Variants in CYSLTR1 observed in about 807,000 individuals in gnomAD.
CYSLTR1 encodes the protein G-protein coupled receptor HG55.
Under a neutral mutation model 2.1 loss-of-function variants are expected in CYSLTR1, and 1 was observed. That is an observed-to-expected ratio of 0.48 (90% CI 0.17 to 2.28). The LOEUF (loss-of-function observed/expected upper bound fraction) is 2.28. Among genes scored for constraint, CYSLTR1 ranks in the 30% most tolerant of loss-of-function variants. The probability of loss-of-function intolerance (pLI) is 0.26; values close to 1 mark genes in which losing one functional copy is unlikely to be tolerated. For synonymous variants in CYSLTR1, 110 were observed against 89.6 expected (o/e 1.23, Z -1.28); for missense variants, 299 against 250.1 (o/e 1.20, Z -1.32).
rs373621205 is a variant in CYSLTR1 at position 78,273,445 on chromosome X, T to C, written c.302A>G (p.Tyr101Cys). 1 of 1,209,757 alleles carries C rather than the reference T, an allele frequency of 8.3e-7. No individual in the cohort carries two copies. Among genetic ancestry groups the C allele is most frequent in the Admixed American group, 2.2e-5 (1 of 45,621 alleles). The change falls in exon 3 of 3, where the codon TAT becomes TGT. Residue 101 changes from tyrosine (Y) to cysteine (C), a missense_variant. Physicochemically the swap from Tyr to Cys is radical, Grantham distance 194 (BLOSUM62 -2). Coordinates refer to ENST00000373304, the MANE Select transcript of CYSLTR1 (RefSeq NM_006639.4). The part of the protein sequence containing the change: ...FGDFLCRLST[Y>C]ALYVNLYCSI... ...ACAATAGAGGTTGACATACAAAGCATAGGTGCTGAGGCGGCACAAGAAGTC... is the reference window on the plus strand; with the variant it reads ...ACAATAGAGGTTGACATACAAAGCACAGGTGCTGAGGCGGCACAAGAAGTC...
At chrX:78,318,873 C>A (rs957869385) in intron 1 of CYSLTR1, 1 of 109,049 alleles carries the variant, frequency 9.2e-6, no homozygotes, top group Admixed American at 9.8e-5. Flanking sequence ...GCCTCCTGAC[C>A]CTTTGTTTCT....
chrX:78,319,383 C>G (rs893719356), intron 1 of CYSLTR1: 1 of 107,203 alleles, frequency 9.3e-6, no homozygotes, highest in African/African-American at 3.4e-5. Flanking sequence ...TTTGTCCTTG[C>G]GTTAGTTTGC....
At chrX:78,325,888 A>T (rs1489280736) in intron 1 of CYSLTR1, among the ~76,000 whole-genome samples, 3 of 112,116 alleles carry the variant, frequency 2.7e-5, no homozygotes, top group Non-Finnish European at 3.8e-5. Context: ...TGCTTTTATG[A>T]CAGATAAATA....
chrX:78,293,498 G>C (rs1922444944), intron 1 of CYSLTR1, among the ~76,000 whole-genome samples: 1 of 111,118 alleles, frequency 9.0e-6, no homozygotes. Context: ...GGCATTCTCT[G>C]TATTTCCTGA....
At position 78,273,756 on chromosome X, in the gene CYSLTR1, C is replaced by T. The variant is rs764994767; in HGVS notation, c.-10G>A. The T allele has an allele frequency of 2.5e-5, 29 of 1,180,903 alleles. No individual in the cohort carries two copies. The highest frequency in any genetic ancestry group is 1.1e-4 in the African/African-American group (6 of 56,363). Reference sequence around the variant, plus strand: ...TTCCTGTTTCATCCATGTTTCTCTACGAATGTCTGCTTTGTGCCTATAATA... The same window carrying T: ...TTCCTGTTTCATCCATGTTTCTCTATGAATGTCTGCTTTGTGCCTATAATA... On this transcript the variant is annotated 5_prime_UTR_variant, in exon 3 of 3. Transcript: ENST00000373304.
intron 1 of CYSLTR1, among the ~76,000 whole-genome samples, chrX:78,326,840 T>C (rs975981661): frequency 1.8e-5 from 2 of 111,939 alleles, no homozygotes; most frequent in Admixed American, 1.9e-4. Context: ...TTATAGGATG[T>C]TGAAAGGTTC....
chrX:78,320,090 C>T (rs1428985036), intron 1 of CYSLTR1: 1 of 111,985 alleles, frequency 8.9e-6, no homozygotes, highest in Non-Finnish European at 1.9e-5. Context: ...GTTTCTTTTG[C>T]TGTGCAGAAG....
chrX:78,315,398 T>C (rs1002583083), intron 1 of CYSLTR1, among the ~76,000 whole-genome samples: 2 of 111,310 alleles, frequency 1.8e-5, no homozygotes, highest in East Asian at 5.7e-4. Context: ...GGGAATTTGG[T>C]CTTACACCTT....
At position 78,273,498 on chromosome X, in the gene CYSLTR1, A is replaced by G; in HGVS notation, c.249T>C (p.Tyr83=). The change falls in exon 3 of 3, where the codon TAT becomes TAC. Residue 83 remains tyrosine (Y), a synonymous_variant. Coordinates refer to ENST00000373304, the MANE Select transcript of CYSLTR1 (RefSeq NM_006639.4). ...CAAAGAGCCAAATGCCTTTGTGAAC[A>G]TAATAGACCACACGGAGAGGCAGTG... The part of the protein sequence containing the change: ...VCTLPLRVVY[Y]VHKGIWLFGD... 1.7e-6 allele frequency: 2 copies of G among 1,211,991 alleles called. No individual in the cohort carries two copies. Among genetic ancestry groups the G allele is most frequent in the South Asian group, 3.5e-5 (2 of 57,009 alleles).
At chrX:78,306,272 T>C (rs1923027042) in intron 1 of CYSLTR1, among the ~76,000 whole-genome samples, 2 of 111,011 alleles carry the variant, frequency 1.8e-5, no homozygotes, top group African/African-American at 6.6e-5. Context: ...TAAGCAATTC[T>C]TCTGCCTCAG....
intron 1 of CYSLTR1, among the ~76,000 whole-genome samples, chrX:78,288,042 T>A (rs1426377665): frequency 9.4e-6 from 1 of 106,095 alleles, no homozygotes; most frequent in African/African-American, 3.4e-5. Context: ...AAAAAAAAAA[T>A]GATAAAATAA....
intron 1 of CYSLTR1, among the ~76,000 whole-genome samples, chrX:78,301,237 G>C (rs942773135): frequency 8.9e-6 from 1 of 112,551 alleles, no homozygotes; most frequent in Non-Finnish European, 1.9e-5. Flanking sequence ...ATTAACATTT[G>C]ACTTCTCATT....
intron 1 of CYSLTR1, among the ~76,000 whole-genome samples, chrX:78,322,895 T>C (rs1283061779): frequency 9.0e-6 from 1 of 111,656 alleles, no homozygotes; most frequent in Non-Finnish European, 1.9e-5. Context: ...ACAGTTGGAA[T>C]CTAAGCACAT....
chrX:78,298,899 TAA>T (rs1236186867), intron 1 of CYSLTR1, among the ~76,000 whole-genome samples: 1 of 111,288 alleles, frequency 9.0e-6, no homozygotes, highest in Admixed American at 9.6e-5. Flanking sequence ...AGTAGGGAGA[TAA>T]TCCTGTCATC....
At position 78,315,131 on chromosome X, in the gene CYSLTR1, C is replaced by T. The variant is rs761813594; in HGVS notation, c.-115+12174G>A. ...AGCTATGAGGCCCCCTTTCCAGGCC[C>T]TAGCTCCTGAATGACATTTCTAGAC... On this transcript the variant is annotated intron_variant, in intron 1 of 2. Coordinates refer to ENST00000373304, the MANE Select transcript of CYSLTR1 (RefSeq NM_006639.4). 3.6e-3 allele frequency among the ~76,000 whole-genome samples: 385 copies of T among 107,564 alleles called. 3 individuals are homozygous for T. Among genetic ancestry groups the T allele is most frequent in the Non-Finnish European group, 6.6e-3 (343 of 52,132 alleles). The allele number at this position is 107,564 out of a possible 115,157, so 93.4% of individuals were successfully genotyped here.
chrX:78,313,745 T>C (rs1343352231), intron 1 of CYSLTR1, among the ~76,000 whole-genome samples: 5 of 111,547 alleles, frequency 4.5e-5, no homozygotes, highest in Non-Finnish European at 9.4e-5. Context: ...CAAGATGGAA[T>C]GTGAATGGAC....
intron 2 of CYSLTR1, among the ~76,000 whole-genome samples, chrX:78,274,807 G>T (rs1280753915): frequency 9.0e-6 from 1 of 110,883 alleles, no homozygotes; most frequent in Non-Finnish European, 1.9e-5. Flanking sequence ...CAGAATGGGA[G>T]AAAATTTTTG....
intron 1 of CYSLTR1, among the ~76,000 whole-genome samples, chrX:78,324,882 T>A (rs1308258399): frequency 1.2e-4 from 13 of 110,281 alleles, no homozygotes; most frequent in South Asian, 7.5e-4. Context: ...TGACTTTAGG[T>A]CTTTCTATTT....
intron 1 of CYSLTR1, among the ~76,000 whole-genome samples, chrX:78,308,696 T>G (rs1025455707): frequency 1.8e-5 from 2 of 112,129 alleles, no homozygotes; most frequent in African/African-American, 6.5e-5. Flanking sequence ...TCAAAAATAT[T>G]TTTCTAAGCC....
Sources: allele counts gnomAD v4.1 joint callset (sites outside exome capture counted in the v4.1 genomes callset), GRCh38; gene constraint gnomAD v4.1.1; transcripts MANE v1.5; gene names NCBI Gene and HGNC (gene_info 2026-07-23, HGNC 2026-07-21).